Variants in ZNF536 observed in about 807,000 individuals in gnomAD.
ZNF536 encodes zinc finger protein 536.
A neutral mutation model predicts 84.5 loss-of-function variants in ZNF536; 13 were observed. The observed-to-expected ratio is 0.15, with a 90% CI of 0.10 to 0.24. ZNF536 has a LOEUF of 0.24. ZNF536 is among the 10% of genes least tolerant of loss of function. ZNF536 has a pLI of 1.00. For synonymous variants in ZNF536, 811 were observed against 742.5 expected, an observed-to-expected ratio of 1.09 and a Z score of -1.50; for missense variants, 1,536 against 1,747.5, an observed-to-expected ratio of 0.88 and a Z score of 2.16.
chr19:30,659,501 T>A (rs1195297021), intron 1 of ZNF536, among the ~76,000 whole-genome samples: 3 of 150,386 alleles, frequency 2.0e-5, no homozygotes, highest in African/African-American at 7.4e-5. Flanking sequence ...GATAAAGACA[T>A]ACCCAAGACT....
intron 1 of ZNF536, among the ~76,000 whole-genome samples, chr19:30,243,039 T>C (rs1306837119): frequency 6.6e-6 from 1 of 152,154 alleles, no homozygotes; most frequent in Non-Finnish European, 1.5e-5. Flanking sequence ...AATGACTCAA[T>C]AGAAAAATTA....
At chr19:30,264,281 G>A (rs935708592) in intron 1 of ZNF536, among the ~76,000 whole-genome samples, 1 of 152,304 alleles carries the variant, frequency 6.6e-6, no homozygotes, top group East Asian at 1.9e-4. Context: ...CATGTGAAGG[G>A]AAGAGGGAAC....
At chr19:30,415,311 T>C (rs1404415552) in intron 1 of ZNF536, among the ~76,000 whole-genome samples, 4 of 135,216 alleles carry the variant, frequency 3.0e-5, no homozygotes, top group Non-Finnish European at 4.9e-5. Context: ...TTCTTCTCCT[T>C]CTCCTTCTTC....
rs1326949902 is a variant in ZNF536, at chr19:30,355,741, C to A, written c.-3+3257C>A. Among the ~76,000 whole-genome samples, 3 of 152,204 alleles carry A rather than the reference C, an allele frequency of 2.0e-5. No homozygotes were observed. In the East Asian group the frequency reaches 5.8e-4, roughly 29 times the overall value. The stretch of plus-strand genomic sequence containing the variant: ...ATTGAGTGTTACTGCCTGAGCTCCA[C>A]CTCCTGTCAGTGGCTGCATTAGATT... On this transcript the variant is annotated intron_variant, in intron 3 of 5. Transcript: ENST00000585628.
intron 1 of ZNF536, among the ~76,000 whole-genome samples, chr19:30,238,247 C>A (rs146604667): frequency 8.5e-5 from 13 of 152,322 alleles, no homozygotes; most frequent in African/African-American, 2.9e-4. Flanking sequence ...TTCCTCCTTC[C>A]TTCCTGGCTG....
intron 1 of ZNF536, among the ~76,000 whole-genome samples, chr19:30,384,061 C>A (rs2049192088): frequency 7.0e-6 from 1 of 143,868 alleles, no homozygotes; most frequent in Non-Finnish European, 1.5e-5. Context: ...CTCACTTACT[C>A]CTCCCCTTTA....
intron 2 of ZNF536, among the ~76,000 whole-genome samples, chr19:30,293,608 T>A (rs2045909696): frequency 6.6e-6 from 1 of 152,200 alleles, no homozygotes; most frequent in Non-Finnish European, 1.5e-5. Flanking sequence ...TTTCATGAAC[T>A]TTTGGCTGTG....
At chr19:30,487,417 C>CG (rs2054342897) in intron 2 of ZNF536, among the ~76,000 whole-genome samples, 2 of 151,922 alleles carry the variant, frequency 1.3e-5, no homozygotes, top group South Asian at 4.2e-4. Context: ...GACCAGGGGC[C>CG]GGGCCATGTG....
rs1353231340 is a variant in ZNF536, at chr19:30,545,657, A to C, written c.2324-2286A>C. ...TGTGATCCTCTTGCCTCGGCCTCCC[A>C]AAGTACTGGGATTACAGGTGTGAGC... is the stretch of plus-strand genomic sequence containing the variant. On this transcript the variant is annotated intron_variant, in intron 3 of 4. Transcript: ENST00000355537. 2.0e-5 allele frequency among the ~76,000 whole-genome samples: 3 copies of C among 151,930 alleles called. No homozygotes were observed. The East Asian group carries it at 5.8e-4, about 29-fold the overall frequency.
chr19:30,404,303 T>C (rs916046167), intron 1 of ZNF536, among the ~76,000 whole-genome samples: 1 of 150,968 alleles, frequency 6.6e-6, no homozygotes, highest in African/African-American at 2.4e-5. Flanking sequence ...GATTCTGTAT[T>C]TGGGGCAGGC....
intron 2 of ZNF536, among the ~76,000 whole-genome samples, chr19:30,306,434 A>G (rs901464214): frequency 6.6e-6 from 1 of 152,166 alleles, no homozygotes; most frequent in African/African-American, 2.4e-5. Flanking sequence ...AGACACACCA[A>G]TATCAAAATG....
At chr19:30,383,753 C>T (rs1220621727) in intron 1 of ZNF536, among the ~76,000 whole-genome samples, 1 of 5,384 alleles carries the variant, frequency 1.9e-4, no homozygotes, top group Non-Finnish European at 1.2e-3. Flanking sequence ...CTCTTTCTTT[C>T]TTTCTCTTTC....
At chr19:30,508,130 A>G (rs967371985) in intron 2 of ZNF536, among the ~76,000 whole-genome samples, 19 of 152,248 alleles carry the variant, frequency 1.2e-4, no homozygotes, top group East Asian at 3.9e-4. Context: ...AGCAAAGGGG[A>G]TGGGGCTGTC....
chr19:30,663,906 T>C (rs2147617171), intron 1 of ZNF536, among the ~76,000 whole-genome samples: 1 of 152,362 alleles, frequency 6.6e-6, no homozygotes, highest in East Asian at 1.9e-4. Flanking sequence ...CTAAAAGTAA[T>C]GCCATAATCC....
chr19:30,703,012 A>G (rs1396133873), intron 1 of ZNF536, among the ~76,000 whole-genome samples: 1 of 152,156 alleles, frequency 6.6e-6, no homozygotes, highest in African/African-American at 2.4e-5. Flanking sequence ...ACTGAGGAAG[A>G]GGCGTGTGCT....
chr19:30,568,487 CA>C (rs2046430382), intron 1 of ZNF536, among the ~76,000 whole-genome samples: 2 of 151,980 alleles, frequency 1.3e-5, no homozygotes, highest in Admixed American at 6.5e-5. Flanking sequence ...TTTTAAAAGG[CA>C]AAGGTGCAAG....
At position 30,622,959 on chromosome 19, in the gene ZNF536, C is replaced by A. The variant is rs113044173; in HGVS notation, c.169+73445C>A. Among the ~76,000 whole-genome samples the A allele has an allele frequency of 3.9e-3, 584 of 149,674 alleles. 7 individuals are homozygous for A. Among genetic ancestry groups the A allele is most frequent in the African/African-American group, 0.013 (540 of 40,570 alleles). ...CACTCCTCCTAGAGTTTTTTTTTTT[C>A]TTTTATCTCTGTTAACAGCAGCTCT... On this transcript the variant is annotated intron_variant, in intron 1 of 1. Transcript: ENST00000592773.
intron 1 of ZNF536, among the ~76,000 whole-genome samples, chr19:30,380,251 G>A (rs2048971667): frequency 6.6e-6 from 1 of 151,974 alleles, no homozygotes; most frequent in East Asian, 1.9e-4. Flanking sequence ...TTAGACAATT[G>A]CACCCCCTAA....
At chr19:30,230,445 G>A (rs1258762181) in intron 1 of ZNF536, among the ~76,000 whole-genome samples, 2 of 152,172 alleles carry the variant, frequency 1.3e-5, no homozygotes, top group Non-Finnish European at 2.9e-5. Flanking sequence ...TGTGCCTGGA[G>A]TGGTTAACTT....
Sources: allele counts gnomAD v4.1 joint callset (sites outside exome capture counted in the v4.1 genomes callset), GRCh38; gene constraint gnomAD v4.1.1; transcripts MANE v1.5; gene names NCBI Gene and HGNC (gene_info 2026-07-23, HGNC 2026-07-21).